Variants in ZNF469 observed in about 807,000 individuals in gnomAD.
ZNF469 encodes zinc finger protein 469.
Under a neutral mutation model 1.0 loss-of-function variants are expected in ZNF469, and 1 was observed. The observed-to-expected ratio is 1.00, with a 90% CI of 0.35 to 4.73. ZNF469 has a LOEUF of 4.73. Ranked by LOEUF, ZNF469 falls within the 30% of genes most tolerant of loss-of-function variation. ZNF469 has a pLI of 0.16. For synonymous variants in ZNF469, 2,703 were observed against 2,363.4 expected (o/e 1.14, Z -4.17); for missense variants, 6,100 against 5,356.3 (o/e 1.14, Z -4.33).
the ZNF469 span, among the ~76,000 whole-genome samples, chr16:88,132,935 A>G: frequency 1.3e-5 from 2 of 152,190 alleles, no homozygotes; most frequent in Non-Finnish European, 1.5e-5. Context: ...GCTGACCACC[A>G]CAGGTGAAGG....
At chr16:88,243,465 G>T in the ZNF469 span, among the ~76,000 whole-genome samples, 1 of 152,132 alleles carries the variant, frequency 6.6e-6, no homozygotes, top group Non-Finnish European at 1.5e-5. Context: ...GTTCACATTT[G>T]GCACTTGTCC....
the ZNF469 span, among the ~76,000 whole-genome samples, chr16:88,350,118 G>A: frequency 2.0e-5 from 3 of 152,144 alleles, no homozygotes; most frequent in African/African-American, 4.8e-5. Flanking sequence ...CCCTTGGGGC[G>A]GAGGGTGCAA....
At chr16:88,326,575 C>G in the ZNF469 span, among the ~76,000 whole-genome samples, 1 of 152,182 alleles carries the variant, frequency 6.6e-6, no homozygotes, top group Non-Finnish European at 1.5e-5. Flanking sequence ...CACTGCTGGG[C>G]AGGACACCGC....
At chr16:88,166,530 G>T in the ZNF469 span, among the ~76,000 whole-genome samples, 1 of 152,156 alleles carries the variant, frequency 6.6e-6, no homozygotes, top group Non-Finnish European at 1.5e-5. The surrounding 1 kb of genome is among the most constrained non-coding windows in gnomAD (Gnocchi z 4.5). Context: ...ACCCCAGGAA[G>T]TTCCCTCCCC....
the ZNF469 span, among the ~76,000 whole-genome samples, chr16:88,325,271 G>GGCCTCAAGTCCTCACCTGCACA: frequency 3.7e-5 from 5 of 135,492 alleles, no homozygotes; most frequent in Admixed American, 7.5e-5. Context: ...GTCCCTACAG[G>GGCCTCAAGTCCTCACCTGCACA]CTCCGTAAGC....
the ZNF469 span, among the ~76,000 whole-genome samples, chr16:88,347,855 G>C: frequency 6.6e-6 from 1 of 152,260 alleles, no homozygotes; most frequent in Non-Finnish European, 1.5e-5. Context: ...GAAGATAGCA[G>C]AGTCCTGTGA....
the ZNF469 span, among the ~76,000 whole-genome samples, chr16:88,248,038 A>C: frequency 2.6e-5 from 4 of 152,170 alleles, no homozygotes; most frequent in Non-Finnish European, 5.9e-5. Flanking sequence ...GAGGCCACCC[A>C]CACAGGGCTG....
the ZNF469 span, among the ~76,000 whole-genome samples, chr16:88,125,435 A>G: frequency 6.6e-6 from 1 of 152,384 alleles, no homozygotes. Context: ...ATGAAGCCAT[A>G]TAACTTTGAG....
At chr16:88,265,514 G>C in the ZNF469 span, among the ~76,000 whole-genome samples, 1 of 152,250 alleles carries the variant, frequency 6.6e-6, no homozygotes, top group African/African-American at 2.4e-5. Context: ...TGTCCTGGGA[G>C]GGGGCACGGC....
At chr16:88,401,665 G>GGATA (rs1904869147) in intron 1 of ZNF469, among the ~76,000 whole-genome samples, 1 of 143,548 alleles carries the variant, frequency 7.0e-6, no homozygotes, top group African/African-American at 2.5e-5. Context: ...ATGGGTAGAT[G>GGATA]GATGGGTGAG....
the ZNF469 span, among the ~76,000 whole-genome samples, chr16:88,193,111 G>GTGGTGA: frequency 3.0e-5 from 2 of 66,342 alleles, no homozygotes; most frequent in South Asian, 7.8e-4. Flanking sequence ...GATGGTGGTG[G>GTGGTGA]TGGTGATGGT....
chr16:88,354,592 A>G, the ZNF469 span, among the ~76,000 whole-genome samples: 1 of 150,562 alleles, frequency 6.6e-6, no homozygotes, highest in East Asian at 2.0e-4. Context: ...TAAGGATGAA[A>G]TAAGAGGGTG....
chr16:88,286,360 C>G, the ZNF469 span, among the ~76,000 whole-genome samples: 5 of 152,252 alleles, frequency 3.3e-5, no homozygotes, highest in Non-Finnish European at 5.9e-5. Context: ...CCGTTATACT[C>G]AGGTGGCTGC....
the ZNF469 span, among the ~76,000 whole-genome samples, chr16:88,306,971 C>T: frequency 6.6e-6 from 1 of 152,234 alleles, no homozygotes; most frequent in Non-Finnish European, 1.5e-5. Context: ...CAGAAAGAAA[C>T]TCCAGGCCCT....
At chr16:88,333,912 G>C in the ZNF469 span, among the ~76,000 whole-genome samples, 1 of 140,352 alleles carries the variant, frequency 7.1e-6, no homozygotes, top group African/African-American at 2.5e-5. Flanking sequence ...TTGTGCATCT[G>C]TGTGTGTCTG....
At chr16:88,120,821 G>A in the ZNF469 span, among the ~76,000 whole-genome samples, 2 of 152,316 alleles carry the variant, frequency 1.3e-5, no homozygotes, top group South Asian at 2.1e-4. Context: ...AGACGCCCGT[G>A]TCGAGGGCAG....
chr16:88,135,030 C>T, the ZNF469 span, among the ~76,000 whole-genome samples: 802 of 152,368 alleles, frequency 5.3e-3, 10 homozygotes, highest in Non-Finnish European at 6.8e-3. Flanking sequence ...AGGGGTCAGT[C>T]CACCCCCATG....
At chr16:88,403,833 G>T (rs927997214) in intron 1 of ZNF469, among the ~76,000 whole-genome samples, 1 of 152,094 alleles carries the variant, frequency 6.6e-6, no homozygotes, top group Non-Finnish European at 1.5e-5. Flanking sequence ...CTCAGCTCAG[G>T]TGCCCCCTCC....
In ZNF469 at chr16:88,430,570, A is replaced by C. The variant is rs766218970; in HGVS notation, c.3100A>C (p.Lys1034Gln). The change falls in exon 3 of 3, where the codon AAG becomes CAG. Residue 1034 changes from lysine (K) to glutamine (Q), a missense_variant. Lys to Gln is a moderately conservative substitution (Grantham distance 53). Coordinates refer to ENST00000565624, the MANE Select transcript of ZNF469 (RefSeq NM_001367624.2). ...SSRRRRLPPR[K>Q]DPRKRKARGG... The stretch of plus-strand genomic sequence containing the variant: ...CCGGCGCCGCCGGCTGCCCCCCAGG[A>C]AGGACCCCAGGAAGAGGAAGGCTCG... The C allele has an allele frequency of 1.3e-6, 2 of 1,489,918 alleles. No homozygotes were observed. The highest frequency in any genetic ancestry group is 1.8e-6 in the Non-Finnish European group (2 of 1,126,612). 92.3% of individuals were successfully genotyped at this position (1,489,918 alleles called of 1,614,324 possible). A position where few individuals can be genotyped will look rare whatever the true frequency, so the allele number is the denominator to read the frequency against.
Sources: allele counts gnomAD v4.1 joint callset (sites outside exome capture counted in the v4.1 genomes callset), GRCh38; gene constraint gnomAD v4.1.1; non-coding constraint Gnocchi (gnomAD v3.1); transcripts MANE v1.5; gene names NCBI Gene and HGNC (gene_info 2026-07-23, HGNC 2026-07-21).